TRMU: variants seen among roughly 807,000 people sequenced by gnomAD.
The protein encoded by TRMU is tRNA mitochondrial 2-thiouridylase.
In TRMU, 49 loss-of-function variants were observed where a neutral mutation model predicts 46.9. That is an observed-to-expected ratio of 1.05 (90% CI 0.83 to 1.33). The LOEUF is 1.33. TRMU is among the 40% of genes most tolerant of loss of function. The probability of loss-of-function intolerance (pLI) is 0.00; values close to 1 mark genes in which losing one functional copy is unlikely to be tolerated. For missense variants in TRMU, 572 were observed against 532.4 expected (o/e 1.07, Z -0.73); for synonymous variants, 241 against 200.9 (o/e 1.20, Z -1.69).
chr22:46,346,378 G>T, intron 3 of TRMU, 44 bp from the exon 4 acceptor site: 1 of 1,601,242 alleles, frequency 6.2e-7, no homozygotes, highest in Non-Finnish European at 8.5e-7. Context: ...AGGCCTGCAA[G>T]TATGAGTCTA....
In TRMU at chr22:46,355,488, G is replaced by T; in HGVS notation, c.918G>T (p.Arg306Ser). The T allele has an allele frequency of 1.2e-6, 2 of 1,613,268 alleles. No homozygotes were observed. The highest frequency in any genetic ancestry group is 2.7e-5 in the African/African-American group (2 of 75,064). ...CAGCCCTGTACAGGGACCTGCTGAGGACCAGCCGCGTGCACTGGATTGCGG... is the reference window on the plus strand; with the variant it reads ...CAGCCCTGTACAGGGACCTGCTGAGTACCAGCCGCGTGCACTGGATTGCGG... ...DHPALYRDLLRTSRVHWIAEE... is the reference protein window; with the variant it reads ...DHPALYRDLLSTSRVHWIAEE... The change falls in exon 9 of 11, where the codon AGG becomes AGT. Residue 306 changes from arginine to serine, a missense_variant. Coordinates refer to ENST00000645190, the MANE Select transcript of TRMU (RefSeq NM_018006.5).
rs754287313 is a variant in TRMU at position 46,337,865 on chromosome 22, G to T, written c.169G>T (p.Ala57Ser). Residue 57 changes from alanine (A) to serine (S), a missense_variant, in exon 2 of 11, where the codon GCT (alanine) becomes TCT (serine). Transcript: ENST00000645190. The stretch of plus-strand genomic sequence containing the variant: ...TACTGCCGACAAAGACTGTGAAGAT[G>T]CTTACAGAGTTTGCCAGATCTTAGA... The part of the protein sequence containing the change: ...VCTADKDCED[A>S]YRVCQILDIP... The T allele has an allele frequency of 9.9e-6, 16 of 1,614,126 alleles. No individual in the cohort carries two copies. In the African/African-American group the frequency reaches 2.1e-4, roughly 22 times the overall value.
At chr22:46,355,315 C>G (rs75292658) in intron 8 of TRMU, 129 bp from the exon 9 acceptor site, 1 of 1,387,456 alleles carries the variant, frequency 7.2e-7, no homozygotes, top group Admixed American at 2.0e-5. Context: ...TAGAACACTT[C>G]GAGCGGTGCC....
Position 46,343,368 on chromosome 22 carries a change from G to T in TRMU, c.355G>T (p.Gly119Trp). The change falls in exon 3 of 11, where the codon GGG becomes TGG. Residue 119 changes from glycine to tryptophan, a missense_variant and splice_region_variant. By Grantham distance (184) the Gly-to-Trp change is radical. Coordinates refer to ENST00000645190, the MANE Select transcript of TRMU (RefSeq NM_018006.5). ...TTTTCATTATGCTGTGGATAATCTT[G>T]GTAAGTAATTTGGGTTTAAAACATT... ...CFFHYAVDNL[G>W]ADAIATGHYA... The T allele has an allele frequency of 6.2e-7, 1 of 1,610,368 alleles. No homozygotes were observed. Among genetic ancestry groups the T allele is most frequent in the South Asian group, 1.1e-5 (1 of 90,928 alleles).
intron 3 of TRMU, among the ~76,000 whole-genome samples, chr22:46,344,323 G>A (rs1004936489): frequency 6.6e-6 from 1 of 152,196 alleles, no homozygotes; most frequent in African/African-American, 2.4e-5. Flanking sequence ...GGGGTGATGC[G>A]TCCCCTGTGG....
chr22:46,356,574 C>T (rs1285123379), intron 10 of TRMU: 1 of 537,046 alleles, frequency 1.9e-6, no homozygotes, highest in Non-Finnish European at 3.4e-6. Context: ...CAGAGACCTG[C>T]CAGTCCCTTG....
rs112773539 is a variant in TRMU at position 46,341,218 on chromosome 22, A to G, written c.249-2044A>G. 1.0e-3 allele frequency among the ~76,000 whole-genome samples: 153 copies of G among 152,338 alleles called. 1 individual carries two copies. Among genetic ancestry groups the G allele is most frequent in the African/African-American group, 3.0e-3 (125 of 41,572 alleles). On this transcript the variant is annotated intron_variant, in intron 2 of 10. Transcript: ENST00000645190. The stretch of plus-strand genomic sequence containing the variant: ...ATCTGCTGTTTACGAAAGGGTTAAC[A>G]GTGTGTCTTTTCAGAAACTGATTTT...
At chr22:46,344,640 G>A (rs147784307) in intron 3 of TRMU, among the ~76,000 whole-genome samples, 1 of 152,194 alleles carries the variant, frequency 6.6e-6, no homozygotes. Context: ...GGAGCCCCTA[G>A]GTGGCTGGCT....
At chr22:46,346,834 C>G (rs1026636002) in intron 4 of TRMU, among the ~76,000 whole-genome samples, 3 of 152,216 alleles carry the variant, frequency 2.0e-5, no homozygotes, top group Non-Finnish European at 4.4e-5. Flanking sequence ...TTTGAATGTT[C>G]CAAAAATATC....
chr22:46,351,916 A>G lies in TRMU; in HGVS notation c.652-205A>G, dbSNP rs527537926. ...GCAGGGTCAGACCCCGCGGGCCGAG[A>G]CAATGAGGCGTTCTCTAAGGCTCTG... is the stretch of plus-strand genomic sequence containing the variant. On this transcript the variant is annotated intron_variant, in intron 5 of 10. Transcript: ENST00000645190. The surrounding 1 kb of genome is among the most constrained non-coding windows in gnomAD (Gnocchi z 6.4). The G allele has an allele frequency of 2.0e-4, 139 of 710,112 alleles. 1 individual carries two copies. In the South Asian group the frequency reaches 2.1e-3, roughly 11 times the overall value. The allele number at this position is 710,112 out of a possible 1,614,324, so 44.0% of individuals were successfully genotyped here.
intron 1 of TRMU, 106 bp from the exon 2 acceptor site, chr22:46,337,673 G>A: frequency 6.8e-7 from 1 of 1,460,876 alleles, no homozygotes; most frequent in East Asian, 2.4e-5. Flanking sequence ...CAGGCACAGA[G>A]GCACAGGAGC....
rs2078379804 is a variant in TRMU at position 46,350,366 on chromosome 22, T to C, written c.554T>C (p.Leu185Pro). ...FFLSQVSQDA[L>P]RRTIFPLGGL... Reference sequence around the variant, plus strand: ...CTCAGCCAGGTTTCCCAGGATGCCCTGAGGAGAACCATCTTCCCTCTGGGG... The same window carrying C: ...CTCAGCCAGGTTTCCCAGGATGCCCCGAGGAGAACCATCTTCCCTCTGGGG... The change falls in exon 5 of 11, where the codon CTG becomes CCG. Residue 185 changes from leucine to proline, a missense_variant. By Grantham distance (98) the Leu-to-Pro change is moderately conservative. Coordinates refer to ENST00000645190, the MANE Select transcript of TRMU (RefSeq NM_018006.5). This position sits in a 1 kb window ranked among gnomAD's most constrained non-coding sequence, Gnocchi z 4.6. 1.9e-6 allele frequency: 3 copies of C among 1,614,118 alleles called. No individual in the cohort carries two copies. The highest frequency in any genetic ancestry group is 1.3e-5 in the African/African-American group (1 of 74,950).
At chr22:46,340,493 A>G (rs1334117179) in intron 2 of TRMU, among the ~76,000 whole-genome samples, 1 of 152,202 alleles carries the variant, frequency 6.6e-6, no homozygotes, top group East Asian at 1.9e-4. Flanking sequence ...AGTGACTTGA[A>G]TAGTATGGCA....
chr22:46,349,354 CTG>C lies in TRMU; in HGVS notation c.479-935_479-934del, dbSNP rs1601965500. Among the ~76,000 whole-genome samples the C allele has an allele frequency of 1.3e-5, 2 of 152,170 alleles. No homozygotes were observed. Among genetic ancestry groups the C allele is most frequent in the African/African-American group, 4.8e-5 (2 of 41,442 alleles). ...AACTGGGCCGGCTCCAGTCTCCCCT[CTG>C]TAACGTGGGGAGAATTCTCCCTCTC... On this transcript the variant is annotated intron_variant, in intron 4 of 10. Transcript: ENST00000645190. This position sits in a 1 kb window ranked among gnomAD's most constrained non-coding sequence, Gnocchi z 4.6.
intron 7 of TRMU, 91 bp downstream of exon 7, chr22:46,352,421 C>A: frequency 6.7e-7 from 1 of 1,484,722 alleles, no homozygotes; most frequent in Non-Finnish European, 9.4e-7. Flanking sequence ...CCTGTCGTCC[C>A]TTCCACTTGG....
chr22:46,351,856 T>G lies in TRMU; in HGVS notation c.652-265T>G. ...TGAAGGACCTGACCGGGTTCTGCTT[T>G]CTTCCCCGGGGCAGCTGGTGTGAGG... On this transcript the variant is annotated intron_variant, in intron 5 of 10. Transcript: ENST00000645190. This position sits in a 1 kb window ranked among gnomAD's most constrained non-coding sequence, Gnocchi z 6.4. The G allele has an allele frequency of 3.5e-6, 2 of 563,868 alleles. No homozygotes were observed. Among genetic ancestry groups the G allele is most frequent in the Non-Finnish European group, 6.4e-6 (2 of 313,436 alleles). 34.9% of individuals were successfully genotyped at this position (563,868 alleles called of 1,614,324 possible).
rs1360414657 is a variant in TRMU, at chr22:46,350,301, C to G, written c.489C>G (p.Leu163=). Reference sequence around the variant, plus strand: ...CTTTATTCTTGGCAGCGGTAAAACTCCTCCAGGCAGCTGACAGCTTTAAAG... The same window carrying G: ...CTTTATTCTTGGCAGCGGTAAAACTGCTCCAGGCAGCTGACAGCTTTAAAG... The part of the protein sequence containing the change: ...NRFEVRNAVK[L]LQAADSFKDQ... The change falls in exon 5 of 11, where the codon CTC becomes CTG. Residue 163 remains leucine, a synonymous_variant. Transcript: ENST00000645190. This position sits in a 1 kb window ranked among gnomAD's most constrained non-coding sequence, Gnocchi z 4.6. 5 of 1,614,198 alleles carry G rather than the reference C, an allele frequency of 3.1e-6. No homozygotes were observed. Among genetic ancestry groups the G allele is most frequent in the Non-Finnish European group, 4.2e-6 (5 of 1,180,042 alleles).
Position 46,347,584 on chromosome 22 carries a change from A to C in TRMU, c.478+1040A>C, listed in dbSNP as rs1476419421. On this transcript the variant is annotated intron_variant, in intron 4 of 10. Transcript: ENST00000645190. This position sits in a 1 kb window ranked among gnomAD's most constrained non-coding sequence, Gnocchi z 5.0. Reference sequence around the variant, plus strand: ...GTGCTGGTCTTGAATTCCTGGGCTCAAGCGATCCTCCCACCTCGGCCTCTC... The same window carrying C: ...GTGCTGGTCTTGAATTCCTGGGCTCCAGCGATCCTCCCACCTCGGCCTCTC... 1 of 152,276 alleles carries C rather than the reference A, an allele frequency of 6.6e-6. No individual in the cohort carries two copies. The highest frequency in any genetic ancestry group is 6.5e-5 in the Admixed American group (1 of 15,270). 9.4% of individuals were successfully genotyped at this position (152,276 alleles called of 1,614,324 possible).
At chr22:46,335,968 C>T in intron 1 of TRMU, 122 bp downstream of exon 1, 1 of 1,479,650 alleles carries the variant, frequency 6.8e-7, no homozygotes. Context: ...CGCGGGTCGG[C>T]AGGAGGATAC....
Sources: gnomAD v4.1 joint callset for allele counts (sites outside exome capture counted in the v4.1 genomes callset) on GRCh38, gnomAD v4.1.1 for gene constraint, Gnocchi (gnomAD v3.1) non-coding constraint, MANE v1.5 for transcripts, NCBI Gene and HGNC (gene_info 2026-07-23, HGNC 2026-07-21) for gene names.